The following ERBB4 variants were observed in gnomAD, a reference collection of about 807,000 sequenced individuals.
ERBB4 encodes the protein receptor tyrosine-protein kinase erbB-4.
ERBB4 carries 42 observed loss-of-function variants against 158.0 expected under a neutral mutation model. That is an observed-to-expected ratio of 0.27 (90% CI 0.21 to 0.34). The LOEUF (loss-of-function observed/expected upper bound fraction) is 0.34. Among genes scored for constraint, ERBB4 ranks in the 10% least tolerant of loss-of-function variants. The pLI is 1.00. For synonymous variants in ERBB4, 583 were observed against 558.7 expected (o/e 1.04, Z -0.61); for missense variants, 1,333 against 1,624.1 (o/e 0.82, Z 3.08).
intron 1 of ERBB4, among the ~76,000 whole-genome samples, chr2:212,272,035 T>C (rs1019108135): frequency 5.9e-5 from 9 of 151,724 alleles, no homozygotes; most frequent in African/African-American, 1.9e-4. Context: ...GCAGAAACTT[T>C]AGAATGTGAA....
intron 1 of ERBB4, among the ~76,000 whole-genome samples, chr2:212,371,879 G>A (rs534274669): frequency 1.3e-5 from 2 of 152,272 alleles, no homozygotes; most frequent in African/African-American, 4.8e-5. Context: ...ACATAGGCGA[G>A]AACTTGGTTT....
At chr2:212,252,459 C>A (rs1377534743) in intron 1 of ERBB4, among the ~76,000 whole-genome samples, 1 of 150,204 alleles carries the variant, frequency 6.7e-6, no homozygotes, top group African/African-American at 2.5e-5. Context: ...TGTAAGCATG[C>A]CATATGAAGG....
intron 19 of ERBB4, among the ~76,000 whole-genome samples, chr2:211,594,265 C>T (rs920314950): frequency 6.6e-6 from 1 of 152,070 alleles, no homozygotes; most frequent in Admixed American, 6.5e-5. Context: ...GGTGAAACCT[C>T]GTCTCTACTA....
chr2:212,522,753 G>A (rs1442011465), intron 1 of ERBB4, among the ~76,000 whole-genome samples: 4 of 151,914 alleles, frequency 2.6e-5, no homozygotes, highest in Non-Finnish European at 5.9e-5. Context: ...TTAGAATATC[G>A]CCTCTGTTGA....
intron 1 of ERBB4, among the ~76,000 whole-genome samples, chr2:212,354,754 A>G (rs1462882102): frequency 6.6e-6 from 1 of 152,160 alleles, no homozygotes; most frequent in Non-Finnish European, 1.5e-5. Context: ...AAGAGAAGCA[A>G]AAAAGGTAAT....
intron 24 of ERBB4, 40 bp from the exon 25 acceptor site, chr2:211,420,651 T>TTCTTA: frequency 1.3e-6 from 2 of 1,547,834 alleles, no homozygotes; most frequent in African/African-American, 2.7e-5. Flanking sequence ...ATATGATTCT[T>TTCTTA]TCTTATCTTA....
At chr2:211,741,676 G>A (rs1267373205) in intron 5 of ERBB4, among the ~76,000 whole-genome samples, 1 of 152,040 alleles carries the variant, frequency 6.6e-6, no homozygotes, top group Non-Finnish European at 1.5e-5. Flanking sequence ...CCACAGAACA[G>A]GAACAATTTT....
At chr2:212,063,153 A>G (rs895350434) in intron 2 of ERBB4, among the ~76,000 whole-genome samples, 22 of 152,178 alleles carry the variant, frequency 1.4e-4, no homozygotes, top group Admixed American at 1.4e-3. Context: ...CAAACCAGGA[A>G]GTTAGGTATC....
chr2:212,362,143 T>C (rs1042186891), intron 1 of ERBB4, among the ~76,000 whole-genome samples: 1 of 151,580 alleles, frequency 6.6e-6, no homozygotes, highest in East Asian at 1.9e-4. Flanking sequence ...TTTGTTATTA[T>C]AATGTTTTAA....
intron 2 of ERBB4, among the ~76,000 whole-genome samples, chr2:212,045,230 C>T (rs2077232315): frequency 6.6e-6 from 1 of 152,088 alleles, no homozygotes; most frequent in Admixed American, 6.6e-5. Flanking sequence ...GAGGCCAAGG[C>T]AGGCAGATCA....
chr2:211,804,205 A>G (rs2076562516), intron 3 of ERBB4, among the ~76,000 whole-genome samples: 1 of 152,230 alleles, frequency 6.6e-6, no homozygotes, highest in Admixed American at 6.5e-5. Context: ...TAGGATTAAC[A>G]TAATAACATA....
intron 3 of ERBB4, among the ~76,000 whole-genome samples, chr2:211,844,829 CTG>C (rs1472089658): frequency 6.6e-6 from 1 of 152,128 alleles, no homozygotes; most frequent in Non-Finnish European, 1.5e-5. Flanking sequence ...CACCATTTAA[CTG>C]TGGATATTCA....
In ERBB4 at chr2:211,923,869, T is replaced by C. The variant is rs185914771; in HGVS notation, c.421+23561A>G. On this transcript the variant is annotated intron_variant, in intron 3 of 27. Coordinates refer to ENST00000342788, the MANE Select transcript of ERBB4 (RefSeq NM_005235.3). The stretch of plus-strand genomic sequence containing the variant: ...TCCCAAGCAGCTGGGATTACAGGCA[T>C]GCACCATCACGCCAAGCTAATTTTG... Among the ~76,000 whole-genome samples the C allele has an allele frequency of 2.3e-4, 35 of 152,108 alleles. 1 individual carries two copies. Among genetic ancestry groups the C allele is most frequent in the African/African-American group, 8.0e-4 (33 of 41,508 alleles).
chr2:212,473,834 A>C (rs1689237370), intron 1 of ERBB4, among the ~76,000 whole-genome samples: 1 of 152,106 alleles, frequency 6.6e-6, no homozygotes, highest in South Asian at 2.1e-4. Context: ...AATTAACCAA[A>C]TAGCATCCAT....
chr2:211,583,831 T>C (rs1232294024), intron 19 of ERBB4, among the ~76,000 whole-genome samples: 2 of 151,666 alleles, frequency 1.3e-5, no homozygotes. Flanking sequence ...CATTATTGTA[T>C]AATTGTTGCT....
At chr2:211,875,767 G>A (rs960404250) in intron 3 of ERBB4, among the ~76,000 whole-genome samples, 3 of 152,132 alleles carry the variant, frequency 2.0e-5, no homozygotes, top group Admixed American at 6.5e-5. Context: ...CATGGAAGGT[G>A]TCCTACACAA....
intron 4 of ERBB4, among the ~76,000 whole-genome samples, chr2:211,756,452 C>A (rs926826826): frequency 3.3e-5 from 5 of 152,104 alleles, no homozygotes. Flanking sequence ...GTAATAGCAG[C>A]TGGAGCGTGA....
chr2:211,747,507 C>T (rs972245610), intron 5 of ERBB4, among the ~76,000 whole-genome samples: 4 of 152,146 alleles, frequency 2.6e-5, no homozygotes, highest in South Asian at 4.2e-4. Flanking sequence ...GGGTATTTTT[C>T]GGAGAAGGCC....
chr2:212,507,741 A>AAG (rs1357135001), intron 1 of ERBB4, among the ~76,000 whole-genome samples: 3 of 152,228 alleles, frequency 2.0e-5, no homozygotes, highest in African/African-American at 7.2e-5. Flanking sequence ...TGAACAAAGA[A>AAG]AGTTGTTTTT....
Sources: allele counts gnomAD v4.1 joint callset (sites outside exome capture counted in the v4.1 genomes callset), GRCh38; gene constraint gnomAD v4.1.1; transcripts MANE v1.5; gene names NCBI Gene and HGNC (gene_info 2026-07-23, HGNC 2026-07-21).